Variants in ADORA2B observed in about 807,000 individuals in gnomAD.
The protein encoded by ADORA2B is adenosine receptor A2b.
ADORA2B carries 18 observed loss-of-function variants against 20.8 expected under a neutral mutation model. The observed-to-expected ratio is 0.87, with a 90% CI of 0.60 to 1.29. The LOEUF is 1.29. ADORA2B is among the 50% of genes most tolerant of loss of function. ADORA2B has a pLI of 0.00. For missense variants in ADORA2B, 441 were observed against 422.7 expected, an observed-to-expected ratio of 1.04 and a Z score of -0.38; for synonymous variants, 179 against 178.3, an observed-to-expected ratio of 1.00 and a Z score of -0.03.
At position 15,968,888 on chromosome 17, in the gene ADORA2B, G is replaced by A. The variant is rs114258918; in HGVS notation, c.336-5791G>A. Among the ~76,000 whole-genome samples, 3 of 152,270 alleles carry A rather than the reference G, an allele frequency of 2.0e-5. No homozygotes were observed. The East Asian group carries it at 5.8e-4, about 29-fold the overall frequency. ...GTGCCATGGATGTGTCCGGACAGCT[G>A]GGGGAGGGTGTGCAGGCATCTGTCA... On this transcript the variant is annotated intron_variant, in intron 1 of 1. Transcript: ENST00000304222.
the ADORA2B span, among the ~76,000 whole-genome samples, chr17:15,902,904 C>A: frequency 6.6e-6 from 1 of 152,148 alleles, no homozygotes; most frequent in Non-Finnish European, 1.5e-5. Context: ...CCTGTCATGG[C>A]AGGTTGTGAT....
the ADORA2B span, among the ~76,000 whole-genome samples, chr17:15,925,672 C>T: frequency 6.6e-6 from 1 of 152,126 alleles, no homozygotes; most frequent in Non-Finnish European, 1.5e-5. Context: ...GAATAATTAA[C>T]CTGAGTTGGT....
At chr17:15,859,056 T>C in the ADORA2B span, among the ~76,000 whole-genome samples, 4 of 152,302 alleles carry the variant, frequency 2.6e-5, no homozygotes, top group Middle Eastern at 3.4e-3. Flanking sequence ...ACTCCTGGCC[T>C]CAAGCAGTCC....
chr17:15,955,685 G>A (rs1207733393), intron 1 of ADORA2B, among the ~76,000 whole-genome samples: 2 of 150,946 alleles, frequency 1.3e-5, no homozygotes, highest in Non-Finnish European at 2.9e-5. Flanking sequence ...TGGGACCACA[G>A]GCGTGAGCCA....
chr17:15,881,199 T>A, the ADORA2B span, among the ~76,000 whole-genome samples: 31,840 of 152,102 alleles, frequency 0.21, 3,926 homozygotes, highest in Non-Finnish European at 0.28. Context: ...CCTCCCGGGT[T>A]CAAGTGATTC....
At chr17:15,870,301 A>G in the ADORA2B span, among the ~76,000 whole-genome samples, 8 of 148,488 alleles carry the variant, frequency 5.4e-5, no homozygotes, top group Admixed American at 2.0e-4. Context: ...CCTAATACAC[A>G]TGTTCCTTAG....
the ADORA2B span, among the ~76,000 whole-genome samples, chr17:15,883,402 A>T: frequency 6.6e-6 from 1 of 152,318 alleles, no homozygotes; most frequent in African/African-American, 2.4e-5. Flanking sequence ...ATAGGCCAGG[A>T]ATATGGGTCT....
At chr17:15,951,885 G>A (rs1456786344) in intron 1 of ADORA2B, among the ~76,000 whole-genome samples, 1 of 152,208 alleles carries the variant, frequency 6.6e-6, no homozygotes, top group Non-Finnish European at 1.5e-5. Flanking sequence ...CCTGGGCCCT[G>A]CCCTGAGACC....
chr17:15,935,140 T>C, the ADORA2B span, among the ~76,000 whole-genome samples: 1 of 152,218 alleles, frequency 6.6e-6, no homozygotes, highest in Admixed American at 6.5e-5. Context: ...TTTATAGTTG[T>C]CTTTGTAGTA....
chr17:15,930,382 C>T, the ADORA2B span, among the ~76,000 whole-genome samples: 1 of 151,492 alleles, frequency 6.6e-6, no homozygotes, highest in African/African-American at 2.4e-5. Context: ...CTGCAGCCTC[C>T]GCCTCCCAGG....
chr17:15,933,139 T>C, the ADORA2B span, among the ~76,000 whole-genome samples: 21,966 of 152,046 alleles, frequency 0.14, 1,768 homozygotes, highest in South Asian at 0.25. Context: ...ATATCTTTAG[T>C]GGAGATGGGG....
chr17:15,909,021 C>T, the ADORA2B span, among the ~76,000 whole-genome samples: 2 of 152,132 alleles, frequency 1.3e-5, no homozygotes, highest in East Asian at 3.9e-4. Context: ...CTGGCTTTTG[C>T]CTTTATAAAA....
chr17:15,858,457 C>G, the ADORA2B span, among the ~76,000 whole-genome samples: 1 of 152,220 alleles, frequency 6.6e-6, no homozygotes, highest in South Asian at 2.1e-4. Context: ...ATTCACAAAG[C>G]TGATTAGTAA....
chr17:15,956,280 C>T (rs886922996), intron 1 of ADORA2B, among the ~76,000 whole-genome samples: 1 of 152,226 alleles, frequency 6.6e-6, no homozygotes, highest in Non-Finnish European at 1.5e-5. Flanking sequence ...CTTCCCCTCC[C>T]CCACCCGTTA....
chr17:15,850,949 T>C, the ADORA2B span, among the ~76,000 whole-genome samples: 7 of 152,244 alleles, frequency 4.6e-5, no homozygotes. Context: ...CACATCATGA[T>C]AGAAGCTCAA....
At chr17:15,909,433 G>A in the ADORA2B span, among the ~76,000 whole-genome samples, 36 of 152,298 alleles carry the variant, frequency 2.4e-4, 1 homozygote, top group East Asian at 6.7e-3. Context: ...TCATTGTAGC[G>A]AAAGGAAAGC....
intron 1 of ADORA2B, among the ~76,000 whole-genome samples, chr17:15,960,768 C>T (rs1402014971): frequency 2.0e-5 from 3 of 150,614 alleles, no homozygotes; most frequent in Non-Finnish European, 4.4e-5. Flanking sequence ...CCCAGCTACT[C>T]GGGAGGCTGA....
intron 1 of ADORA2B, among the ~76,000 whole-genome samples, chr17:15,947,009 C>T (rs904699305): frequency 2.0e-5 from 3 of 152,160 alleles, no homozygotes; most frequent in Non-Finnish European, 4.4e-5. Context: ...CAGGTTGTTT[C>T]GTGGGTCCCA....
At chr17:15,851,295 A>G in the ADORA2B span, among the ~76,000 whole-genome samples, 5 of 150,190 alleles carry the variant, frequency 3.3e-5, no homozygotes, top group South Asian at 6.5e-4. Flanking sequence ...CTGAGCTTCC[A>G]GGAAGGGTTC....
Sources: allele counts gnomAD v4.1 joint callset (sites outside exome capture counted in the v4.1 genomes callset), GRCh38; gene constraint gnomAD v4.1.1; transcripts MANE v1.5; gene names NCBI Gene and HGNC (gene_info 2026-07-23, HGNC 2026-07-21).